The following R3HDM1 variants were observed in gnomAD, a reference collection of about 807,000 sequenced individuals.
The protein encoded by R3HDM1 is R3H domain-containing protein 1.
Under a neutral mutation model 141.1 loss-of-function variants are expected in R3HDM1, and 46 were observed. That is an observed-to-expected ratio of 0.33 (90% CI 0.26 to 0.42). The LOEUF is 0.42. Ranked by LOEUF, R3HDM1 falls within the 10% of genes least tolerant of loss-of-function variation. R3HDM1 has a pLI of 1.00. For synonymous variants in R3HDM1, 435 were observed against 472.9 expected (o/e 0.92, Z 1.04); for missense variants, 1,184 against 1,368.3 (o/e 0.87, Z 2.12).
intron 21 of R3HDM1, among the ~76,000 whole-genome samples, chr2:135,684,350 A>C (rs2070954737): frequency 1.3e-5 from 2 of 152,258 alleles, no homozygotes; most frequent in African/African-American, 4.8e-5. Context: ...TGGCCTCCCA[A>C]AGTGCTGGGA....
At chr2:135,670,028 C>T (rs1003903267) in intron 19 of R3HDM1, among the ~76,000 whole-genome samples, 13 of 151,288 alleles carry the variant, frequency 8.6e-5, no homozygotes, top group African/African-American at 2.7e-4. Flanking sequence ...AATCCCAGCT[C>T]CTTGGGCAAG....
chr2:135,722,642 C>G, intron 26 of R3HDM1, 89 bp downstream of exon 26: 1 of 1,260,782 alleles, frequency 7.9e-7, no homozygotes, highest in Non-Finnish European at 1.1e-6. Flanking sequence ...TTTTCCTCTT[C>G]CTAGAATCCT....
intron 18 of R3HDM1, 89 bp from the exon 19 acceptor site, chr2:135,661,181 T>C: frequency 6.8e-7 from 1 of 1,473,788 alleles, no homozygotes; most frequent in East Asian, 2.3e-5. Context: ...TAAAAAGAAT[T>C]ATTACTCATT....
At chr2:135,648,026 TAGG>T (rs2064670575) in intron 16 of R3HDM1, among the ~76,000 whole-genome samples, 1 of 152,212 alleles carries the variant, frequency 6.6e-6, no homozygotes, top group Non-Finnish European at 1.5e-5. Flanking sequence ...ATCTGACACA[TAGG>T]AGATCAAGTC....
chr2:135,699,045 A>AGATAAG, intron 21 of R3HDM1, among the ~76,000 whole-genome samples: 1 of 129,890 alleles, frequency 7.7e-6, no homozygotes, highest in South Asian at 2.6e-4. Flanking sequence ...ATAGATAGAT[A>AGATAAG]AGATAGATAA....
intron 1 of R3HDM1, among the ~76,000 whole-genome samples, chr2:135,572,282 A>G (rs1456863143): frequency 6.6e-6 from 1 of 152,228 alleles, no homozygotes; most frequent in African/African-American, 2.4e-5. Flanking sequence ...AAAAAATGAT[A>G]AAGGACGTGT....
At chr2:135,709,154 A>C (rs1321875581) in intron 21 of R3HDM1, among the ~76,000 whole-genome samples, 1 of 151,734 alleles carries the variant, frequency 6.6e-6, no homozygotes, top group Non-Finnish European at 1.5e-5. Flanking sequence ...GCTCACTGCA[A>C]GCTCTGCCTC....
At chr2:135,596,543 C>G (rs1422704261) in intron 1 of R3HDM1, among the ~76,000 whole-genome samples, 3 of 152,194 alleles carry the variant, frequency 2.0e-5, no homozygotes, top group African/African-American at 7.2e-5. Flanking sequence ...CCTTTCATTT[C>G]CCTCTCCAGA....
At chr2:135,688,340 A>G (rs2071728151) in intron 21 of R3HDM1, among the ~76,000 whole-genome samples, 1 of 152,240 alleles carries the variant, frequency 6.6e-6, no homozygotes, top group Admixed American at 6.5e-5. Context: ...GGAAATTCAC[A>G]GATGTGTATG....
Position 135,669,691 on chromosome 2 carries a change from A to G in R3HDM1, c.2153-5641A>G, listed in dbSNP as rs576866759. ...GCTGTTGATCATAGAGAAGGTATGA[A>G]CCTCTCTGTGCCTTTTGTTTCCTCA... On this transcript the variant is annotated intron_variant, in intron 19 of 26. Coordinates refer to ENST00000683871, the MANE Select transcript of R3HDM1 (RefSeq NM_001378107.1). 26 of 561,340 alleles carry G rather than the reference A, an allele frequency of 4.6e-5. No individual in the cohort carries two copies. In the African/African-American group the frequency reaches 4.9e-4, roughly 11 times the overall value. The allele number at this position is 561,340 out of a possible 1,614,324, so 34.8% of individuals were successfully genotyped here.
At chr2:135,675,073 G>T (rs927432723) in intron 19 of R3HDM1, among the ~76,000 whole-genome samples, 7 of 151,768 alleles carry the variant, frequency 4.6e-5, no homozygotes, top group Non-Finnish European at 5.9e-5. Context: ...ATTGTCCTAT[G>T]TTATCTAAGT....
At chr2:135,577,357 C>CTTTTGGCT in intron 1 of R3HDM1, 1 of 207,258 alleles carries the variant, frequency 4.8e-6, no homozygotes, top group Non-Finnish European at 6.8e-6. Flanking sequence ...TGATTTTAGC[C>CTTTTGGCT]AAAAGGCTAA....
At chr2:135,683,416 C>T (rs1325628719) in intron 21 of R3HDM1, among the ~76,000 whole-genome samples, 4 of 150,448 alleles carry the variant, frequency 2.7e-5, no homozygotes, top group Admixed American at 2.0e-4. Flanking sequence ...TAGCCGGGCG[C>T]GGTGGTGGGT....
At chr2:135,570,393 T>A (rs1261440500) in intron 1 of R3HDM1, among the ~76,000 whole-genome samples, 2 of 152,202 alleles carry the variant, frequency 1.3e-5, no homozygotes, top group East Asian at 3.8e-4. Context: ...CCCATGTACT[T>A]GCAAACAAAA....
intron 1 of R3HDM1, among the ~76,000 whole-genome samples, chr2:135,595,537 A>T (rs1008825425): frequency 6.6e-6 from 1 of 152,226 alleles, no homozygotes; most frequent in East Asian, 1.9e-4. Flanking sequence ...TACTGCTTTT[A>T]TGGGGATTAA....
chr2:135,595,651 A>G (rs892379804), intron 1 of R3HDM1, among the ~76,000 whole-genome samples: 3 of 152,196 alleles, frequency 2.0e-5, no homozygotes, highest in Non-Finnish European at 4.4e-5. Flanking sequence ...ACATATTGCA[A>G]TCAGTTATTA....
At chr2:135,595,431 A>G (rs1710423631) in intron 1 of R3HDM1, among the ~76,000 whole-genome samples, 1 of 152,162 alleles carries the variant, frequency 6.6e-6, no homozygotes, top group Non-Finnish European at 1.5e-5. Flanking sequence ...TGGAGCCAAC[A>G]CTACCTGAGT....
chr2:135,586,624 T>C (rs1707984664), intron 1 of R3HDM1: 3 of 867,776 alleles, frequency 3.5e-6, no homozygotes, highest in Non-Finnish European at 4.2e-6. Context: ...TTCTACTATA[T>C]TGAAAGTGAG....
chr2:135,666,959 C>A, intron 19 of R3HDM1: 2 of 286,282 alleles, frequency 7.0e-6, no homozygotes, highest in Non-Finnish European at 1.0e-5. Context: ...CACAGTGCTT[C>A]TATTGTACAA....
Sources: allele counts gnomAD v4.1 joint callset (sites outside exome capture counted in the v4.1 genomes callset), GRCh38; gene constraint gnomAD v4.1.1; transcripts MANE v1.5; gene names NCBI Gene and HGNC (gene_info 2026-07-23, HGNC 2026-07-21).